RPSA2: variants seen among roughly 807,000 people sequenced by gnomAD.
RPSA2 encodes small ribosomal subunit protein uS2B.
the RPSA2 span, chr19:23,831,989 A>G: frequency 2.6e-6 from 1 of 387,878 alleles, no homozygotes; most frequent in Admixed American, 3.0e-5. Flanking sequence ...AAATGTGGAA[A>G]AACCTTTAAT....
At chr19:23,852,672 C>T in the RPSA2 span, among the ~76,000 whole-genome samples, 2 of 152,188 alleles carry the variant, frequency 1.3e-5, no homozygotes, top group East Asian at 1.9e-4. Context: ...AACCCACATC[C>T]TTTCAGCTTG....
chr19:23,779,649 A>C, the RPSA2 span, among the ~76,000 whole-genome samples: 1 of 152,204 alleles, frequency 6.6e-6, no homozygotes, highest in African/African-American at 2.4e-5. Context: ...GCAACCACGT[A>C]TTTTGGGTAT....
chr19:23,771,979 C>T, the RPSA2 span, among the ~76,000 whole-genome samples: 2 of 152,180 alleles, frequency 1.3e-5, no homozygotes, highest in African/African-American at 4.8e-5. Flanking sequence ...CTAGGCCCAG[C>T]ACCTAGGTGA....
the RPSA2 span, chr19:23,759,037 T>C: frequency 1.9e-6 from 1 of 536,186 alleles, no homozygotes. Context: ...TCAGATGCTC[T>C]GCTGAATGAA....
the RPSA2 span, among the ~76,000 whole-genome samples, chr19:23,767,761 GTTTTTT>G: frequency 2.7e-5 from 2 of 73,102 alleles, no homozygotes; most frequent in Non-Finnish European, 2.5e-5. Flanking sequence ...TTCAATTTCA[GTTTTTT>G]TTTTTTTTTT....
At chr19:23,821,528 G>A in the RPSA2 span, among the ~76,000 whole-genome samples, 1 of 152,184 alleles carries the variant, frequency 6.6e-6, no homozygotes, top group African/African-American at 2.4e-5. Flanking sequence ...ATGTGACCAT[G>A]GGCTCCTGGG....
chr19:23,761,992 A>T, the RPSA2 span, among the ~76,000 whole-genome samples: 802 of 144,728 alleles, frequency 5.5e-3, 8 homozygotes, highest in African/African-American at 0.02. Flanking sequence ...ATTTGGGCTC[A>T]CTGCAACCTC....
the RPSA2 span, among the ~76,000 whole-genome samples, chr19:23,786,627 C>G: frequency 3.9e-5 from 6 of 152,216 alleles, no homozygotes; most frequent in South Asian, 1.2e-3. Flanking sequence ...TTTTCTGGGA[C>G]TGCGTGCAGG....
the RPSA2 span, among the ~76,000 whole-genome samples, chr19:23,839,888 C>T: frequency 1.3e-5 from 2 of 152,198 alleles, no homozygotes; most frequent in African/African-American, 4.8e-5. Context: ...TTCAGTTTCT[C>T]CAGTGGGGTC....
chr19:23,772,310 C>T, the RPSA2 span, among the ~76,000 whole-genome samples: 1 of 152,050 alleles, frequency 6.6e-6, no homozygotes, highest in Non-Finnish European at 1.5e-5. Flanking sequence ...GTAACATATC[C>T]CTGGCTGAGC....
chr19:23,808,816 T>G, the RPSA2 span: 1 of 849,610 alleles, frequency 1.2e-6, no homozygotes, highest in Non-Finnish European at 1.8e-6. Flanking sequence ...AACCCCCAGG[T>G]AGGTTAGAGT....
chr19:23,862,685 C>A, the RPSA2 span, among the ~76,000 whole-genome samples: 1 of 151,742 alleles, frequency 6.6e-6, no homozygotes, highest in Admixed American at 6.6e-5. Context: ...ACATTTATTG[C>A]ATTTATTGAT....
At chr19:23,772,450 A>G in the RPSA2 span, among the ~76,000 whole-genome samples, 1 of 152,318 alleles carries the variant, frequency 6.6e-6, no homozygotes, top group South Asian at 2.1e-4. Context: ...TACTATAGTC[A>G]GCTTATAAGT....
chr19:23,804,638 G>A, the RPSA2 span, among the ~76,000 whole-genome samples: 1 of 152,108 alleles, frequency 6.6e-6, no homozygotes, highest in Non-Finnish European at 1.5e-5. Context: ...AGCCCAGAGA[G>A]AGCGACATCA....
the RPSA2 span, among the ~76,000 whole-genome samples, chr19:23,845,678 C>A: frequency 6.6e-6 from 1 of 151,994 alleles, no homozygotes; most frequent in Non-Finnish European, 1.5e-5. Context: ...TTTTTTGTAG[C>A]AATGCGGTTT....
the RPSA2 span, among the ~76,000 whole-genome samples, chr19:23,761,921 T>TCGCTCTCTCTCTCTCTCTCTCTC: frequency 1.3e-5 from 1 of 76,140 alleles, no homozygotes; most frequent in Non-Finnish European, 2.6e-5. Flanking sequence ...TCTTTCTTTC[T>TCGCTCTCTCTCTCTCTCTCTCTC]TTTTTTTTTT....
chr19:23,843,639 C>A, the RPSA2 span, among the ~76,000 whole-genome samples: 1 of 152,158 alleles, frequency 6.6e-6, no homozygotes, highest in East Asian at 1.9e-4. Flanking sequence ...GTTTTCTTTT[C>A]CCATCATATC....
chr19:23,802,976 TAAA>T, the RPSA2 span, among the ~76,000 whole-genome samples: 2 of 152,218 alleles, frequency 1.3e-5, no homozygotes, highest in African/African-American at 2.4e-5. Flanking sequence ...ATTTATCTTC[TAAA>T]AAACTATTTT....
chr19:23,844,803 A>T, the RPSA2 span, among the ~76,000 whole-genome samples: 2 of 151,764 alleles, frequency 1.3e-5, no homozygotes, highest in Non-Finnish European at 2.9e-5. Flanking sequence ...GAAGAATTTT[A>T]TTATCCTCAA....
Sources: allele counts gnomAD v4.1 joint callset (sites outside exome capture counted in the v4.1 genomes callset), GRCh38; gene constraint gnomAD v4.1.1; transcripts MANE v1.5; gene names NCBI Gene and HGNC (gene_info 2026-07-23, HGNC 2026-07-21).